Variants in CSMD1 observed in about 807,000 individuals in gnomAD.
CSMD1 encodes the protein CUB and Sushi multiple domains 1, also known as CUB and sushi domain-containing protein 1.
CSMD1 carries 213 observed loss-of-function variants against 417.5 expected under a neutral mutation model. The ratio of observed to expected loss-of-function variants is 0.51; its 90% CI spans 0.46 to 0.57. CSMD1 has a LOEUF of 0.57. CSMD1 is among the 20% of genes least tolerant of loss of function. CSMD1 has a pLI of 0.00. For missense variants in CSMD1, 6,923 were observed against 4,529.7 expected (o/e 1.53, Z -15.17); for synonymous variants, 2,862 against 1,736.8 (o/e 1.65, Z -16.11).
At chr8:3,207,507 T>C (rs1281249159) in intron 30 of CSMD1, among the ~76,000 whole-genome samples, 2 of 152,152 alleles carry the variant, frequency 1.3e-5, no homozygotes, top group Non-Finnish European at 2.9e-5. Flanking sequence ...ATTCTTTGAA[T>C]GTTAATTAGC....
At chr8:4,275,318 A>G (rs1796420545) in intron 3 of CSMD1, among the ~76,000 whole-genome samples, 1 of 152,180 alleles carries the variant, frequency 6.6e-6, no homozygotes, top group Non-Finnish European at 1.5e-5. Context: ...GTCAGAAGGT[A>G]TAAAGCTTCT....
rs1371623846 is a variant in CSMD1, at chr8:2,978,593, G to A, written c.8566+19C>T. The A allele has an allele frequency of 4.5e-6, 7 of 1,559,760 alleles. No individual in the cohort carries two copies. The East Asian group carries it at 1.4e-4, about 31-fold the overall frequency. On this transcript the variant is annotated intron_variant, in intron 55 of 69. Transcript: ENST00000635120. ...TTGCAGGGGTCTCTGCACAGAAATT[G>A]GGAATAACCCTGACTTACCCAAACA...
chr8:3,479,815 C>T (rs149846920), intron 11 of CSMD1, among the ~76,000 whole-genome samples: 6 of 151,312 alleles, frequency 4.0e-5, no homozygotes, highest in East Asian at 1.9e-4. Flanking sequence ...AAAGCCAGGT[C>T]GCTTAAAAAT....
At chr8:4,286,252 T>G (rs1159338743) in intron 3 of CSMD1, among the ~76,000 whole-genome samples, 2 of 152,158 alleles carry the variant, frequency 1.3e-5, no homozygotes, top group Admixed American at 6.6e-5. Flanking sequence ...CTCTCCGCCA[T>G]GCTCTCCATG....
chr8:4,781,593 T>C (rs1390745326), intron 1 of CSMD1, among the ~76,000 whole-genome samples: 8 of 152,222 alleles, frequency 5.3e-5, no homozygotes, highest in Admixed American at 4.6e-4. Context: ...TTATTTCAAA[T>C]CTAGTCTTTT....
intron 1 of CSMD1, among the ~76,000 whole-genome samples, chr8:4,666,001 C>T (rs566281147): frequency 5.3e-4 from 81 of 152,260 alleles, no homozygotes; most frequent in African/African-American, 1.8e-3. Context: ...AACTCTGCAT[C>T]GGCAGCAGCA....
At chr8:3,496,601 G>T (rs1381624471) in intron 10 of CSMD1, among the ~76,000 whole-genome samples, 3 of 152,146 alleles carry the variant, frequency 2.0e-5, no homozygotes, top group Non-Finnish European at 2.9e-5. Context: ...GCCGAGGAGG[G>T]TGGGTCATGA....
chr8:4,154,020 C>G lies in CSMD1; in HGVS notation c.416-121921G>C, dbSNP rs118044093. Among the ~76,000 whole-genome samples, 4 of 152,196 alleles carry G rather than the reference C, an allele frequency of 2.6e-5. No individual in the cohort carries two copies. The South Asian group carries it at 8.3e-4, about 32-fold the overall frequency. ...ATAGCTTTCCATCCTCATTTTGCACCGTATTTTCAGCTTGCTGCCACATTT... is the reference window on the plus strand; with the variant it reads ...ATAGCTTTCCATCCTCATTTTGCACGGTATTTTCAGCTTGCTGCCACATTT... On this transcript the variant is annotated intron_variant, in intron 3 of 69. Coordinates refer to ENST00000635120, the MANE Select transcript of CSMD1 (RefSeq NM_033225.6).
At chr8:3,587,124 C>T (rs1406061792) in intron 8 of CSMD1, among the ~76,000 whole-genome samples, 3 of 152,222 alleles carry the variant, frequency 2.0e-5, no homozygotes, top group African/African-American at 7.2e-5. Flanking sequence ...AGCAATCCAT[C>T]CAGCCTGGAT....
At chr8:3,173,127 G>C (rs995663339) in intron 37 of CSMD1, among the ~76,000 whole-genome samples, 7 of 152,184 alleles carry the variant, frequency 4.6e-5, no homozygotes, top group Non-Finnish European at 7.3e-5. Flanking sequence ...GAAGCACCAT[G>C]TGATTACGTA....
intron 1 of CSMD1, among the ~76,000 whole-genome samples, chr8:4,893,053 T>C (rs1804229652): frequency 6.6e-6 from 1 of 152,168 alleles, no homozygotes; most frequent in Non-Finnish European, 1.5e-5. Context: ...CTTCCAGGAA[T>C]GAGGGCTGTG....
At chr8:3,824,421 G>C (rs915238614) in intron 5 of CSMD1, among the ~76,000 whole-genome samples, 1 of 152,114 alleles carries the variant, frequency 6.6e-6, no homozygotes, top group African/African-American at 2.4e-5. Flanking sequence ...AAGATGAATA[G>C]ACATTACAAT....
Position 3,087,190 on chromosome 8 carries a change from G to A in CSMD1, c.7381C>T (p.Pro2461Ser), listed in dbSNP as rs750511395. ...VGSKVHYFCK[P>S]GYRMVGHSNA... ...CTGTGGCCGACCATTCGGTATCCAG[G>A]CTTGCAAAAATAATGCACTTTGCTT... Residue 2461 changes from proline to serine, a missense_variant, in exon 49 of 70, where the codon CCT becomes TCT. By Grantham distance (74) the Pro-to-Ser change is moderately conservative. Coordinates refer to ENST00000635120, the MANE Select transcript of CSMD1 (RefSeq NM_033225.6). 7 of 1,613,840 alleles carry A rather than the reference G, an allele frequency of 4.3e-6. No homozygotes were observed. In the Admixed American group the frequency reaches 1.2e-4, roughly 27 times the overall value.
chr8:3,774,359 T>G (rs1036714829), intron 5 of CSMD1, among the ~76,000 whole-genome samples: 2 of 152,170 alleles, frequency 1.3e-5, no homozygotes, highest in Admixed American at 6.5e-5. Context: ...GGCGGTTGTT[T>G]GGATGTCTGT....
intron 26 of CSMD1, among the ~76,000 whole-genome samples, chr8:3,235,365 C>A (rs1318297765): frequency 2.6e-5 from 4 of 152,070 alleles, no homozygotes; most frequent in Admixed American, 2.6e-4. Flanking sequence ...AAGTTTTACA[C>A]AAAGGTGCAC....
intron 2 of CSMD1, among the ~76,000 whole-genome samples, chr8:4,604,410 T>TGTGC (rs59349269): frequency 1.8e-4 from 26 of 146,222 alleles, no homozygotes; most frequent in African/African-American, 6.5e-4. Flanking sequence ...TGTGTGTGTG[T>TGTGC]GCGCGTGCGT....
chr8:4,220,876 G>C (rs1207686799), intron 3 of CSMD1, among the ~76,000 whole-genome samples: 1 of 152,182 alleles, frequency 6.6e-6, no homozygotes, highest in Non-Finnish European at 1.5e-5. Context: ...CAAGTAAGAA[G>C]ATTTGGGACT....
intron 15 of CSMD1, among the ~76,000 whole-genome samples, chr8:3,402,260 T>C (rs1812081224): frequency 6.6e-6 from 1 of 152,080 alleles, no homozygotes; most frequent in African/African-American, 2.4e-5. Flanking sequence ...ATCCTTAATC[T>C]TTTTTTTCAA....
chr8:4,770,398 A>G (rs1796540066), intron 1 of CSMD1, among the ~76,000 whole-genome samples: 1 of 149,366 alleles, frequency 6.7e-6, no homozygotes, highest in East Asian at 1.9e-4. Context: ...GCTTTTATAT[A>G]TTATATATAT....
Sources: gnomAD v4.1 joint callset for allele counts (sites outside exome capture counted in the v4.1 genomes callset) on GRCh38, gnomAD v4.1.1 for gene constraint, MANE v1.5 for transcripts, NCBI Gene and HGNC (gene_info 2026-07-23, HGNC 2026-07-21) for gene names.